The following FKBP5 variants were observed in gnomAD, a reference collection of about 807,000 sequenced individuals.
The protein encoded by FKBP5 is FKBP prolyl isomerase 5.
A neutral mutation model predicts 50.5 loss-of-function variants in FKBP5; 23 were observed. That is an observed-to-expected ratio of 0.46 (90% CI 0.33 to 0.65). The LOEUF (loss-of-function observed/expected upper bound fraction) is 0.65, where lower values mean the gene tolerates loss of function less well. Ranked by LOEUF, FKBP5 falls within the 30% of genes least tolerant of loss-of-function variation. FKBP5 has a pLI of 0.02. For missense variants in FKBP5, 411 were observed against 553.1 expected, an observed-to-expected ratio of 0.74 and a Z score of 2.58; for synonymous variants, 176 against 190.6, an observed-to-expected ratio of 0.92 and a Z score of 0.63.
At chr6:35,597,886 T>C (rs555724666) in intron 5 of FKBP5, among the ~76,000 whole-genome samples, 79 of 152,362 alleles carry the variant, frequency 5.2e-4, no homozygotes, top group African/African-American at 1.8e-3. Context: ...AGATGCTCCT[T>C]CTTCTTTAAG....
At chr6:35,622,957 A>G (rs933236407) in intron 3 of FKBP5, among the ~76,000 whole-genome samples, 7 of 152,214 alleles carry the variant, frequency 4.6e-5, no homozygotes, top group Middle Eastern at 3.2e-3. Flanking sequence ...GAATTATTAG[A>G]TAAGGCCGGG....
intron 1 of FKBP5, among the ~76,000 whole-genome samples, chr6:35,666,087 A>T (rs1765206179): frequency 6.6e-6 from 1 of 152,130 alleles, no homozygotes; most frequent in Non-Finnish European, 1.5e-5. Flanking sequence ...TAAGCCAAGG[A>T]ACATATATAT....
intron 1 of FKBP5, among the ~76,000 whole-genome samples, chr6:35,685,060 CAAAAAA>C (rs550437689): frequency 7.7e-6 from 1 of 130,508 alleles, no homozygotes; most frequent in African/African-American, 2.9e-5. Flanking sequence ...GACCCCGACT[CAAAAAA>C]AAAAAGACTA....
chr6:35,629,562 G>A (rs1210715716), intron 3 of FKBP5, among the ~76,000 whole-genome samples: 2 of 152,172 alleles, frequency 1.3e-5, no homozygotes, highest in African/African-American at 4.8e-5. Flanking sequence ...AGCATTATCT[G>A]TCCTGGGACA....
At chr6:35,657,857 T>G (rs1764996087) in intron 1 of FKBP5, among the ~76,000 whole-genome samples, 1 of 152,158 alleles carries the variant, frequency 6.6e-6, no homozygotes, top group African/African-American at 2.4e-5. Flanking sequence ...AAAATAAAAT[T>G]TAACATTTTA....
intron 1 of FKBP5, among the ~76,000 whole-genome samples, chr6:35,662,181 A>T (rs1396729740): frequency 1.3e-5 from 2 of 151,968 alleles, no homozygotes; most frequent in African/African-American, 4.8e-5. Flanking sequence ...TTACATGCAA[A>T]AGCCACTGTG....
At chr6:35,721,604 C>G (rs1003376893) in intron 1 of FKBP5, among the ~76,000 whole-genome samples, 1 of 152,100 alleles carries the variant, frequency 6.6e-6, no homozygotes, top group Non-Finnish European at 1.5e-5. Context: ...CACAGCCATG[C>G]GCTACCACGC....
chr6:35,683,459 A>G (rs1765737592), intron 1 of FKBP5, among the ~76,000 whole-genome samples: 1 of 150,086 alleles, frequency 6.7e-6, no homozygotes, highest in African/African-American at 2.4e-5. Flanking sequence ...CATGCCTGGT[A>G]TATATATATA....
chr6:35,694,973 A>G (rs1766059432), intron 2 of FKBP5, among the ~76,000 whole-genome samples: 1 of 152,236 alleles, frequency 6.6e-6, no homozygotes, highest in African/African-American at 2.4e-5. Flanking sequence ...CATATAATAA[A>G]TAAACAAATG....
At position 35,632,994 on chromosome 6, in the gene FKBP5, A is replaced by G. The variant is rs555836216; in HGVS notation, c.250+4020T>C. Reference sequence around the variant, plus strand: ...CAAAGCAAGTGTAGGTATAGCTTGAATTTGTGTATTTTATGATATGTTTAT... The same window carrying G: ...CAAAGCAAGTGTAGGTATAGCTTGAGTTTGTGTATTTTATGATATGTTTAT... On this transcript the variant is annotated intron_variant, in intron 3 of 10. Transcript: ENST00000357266. 2.0e-5 allele frequency among the ~76,000 whole-genome samples: 3 copies of G among 152,286 alleles called. No homozygotes were observed. The South Asian group carries it at 6.2e-4, about 32-fold the overall frequency.
chr6:35,582,835 C>T, intron 8 of FKBP5: 2 of 984,326 alleles, frequency 2.0e-6, no homozygotes, highest in East Asian at 1.1e-4. Context: ...ATTGTCCTCT[C>T]CCTTTTGGAA....
intron 1 of FKBP5, among the ~76,000 whole-genome samples, chr6:35,645,571 A>G (rs915010917): frequency 2.0e-5 from 3 of 152,226 alleles, no homozygotes; most frequent in African/African-American, 4.8e-5. Context: ...GACAAAATAT[A>G]AGAACTTGGA....
chr6:35,638,861 G>C (rs190425534), intron 2 of FKBP5, among the ~76,000 whole-genome samples: 40 of 152,314 alleles, frequency 2.6e-4, no homozygotes, highest in African/African-American at 9.4e-4. Flanking sequence ...GTATTTGGGA[G>C]GCTATGCTCA....
At chr6:35,579,619 A>T (rs1166409665) in intron 9 of FKBP5, among the ~76,000 whole-genome samples, 1 of 152,202 alleles carries the variant, frequency 6.6e-6, no homozygotes, top group Non-Finnish European at 1.5e-5. Flanking sequence ...AAATGATTAT[A>T]ATAAAAATTG....
At chr6:35,623,535 G>C (rs936362833) in intron 3 of FKBP5, among the ~76,000 whole-genome samples, 5 of 151,508 alleles carry the variant, frequency 3.3e-5, no homozygotes, top group African/African-American at 1.2e-4. Context: ...AAATTTGATA[G>C]TTATTGCCCA....
chr6:35,678,009 T>C (rs1266624794), intron 1 of FKBP5, among the ~76,000 whole-genome samples: 1 of 152,190 alleles, frequency 6.6e-6, no homozygotes, highest in Non-Finnish European at 1.5e-5. Context: ...AATTTTGATA[T>C]GTATGAAGTT....
chr6:35,700,073 G>A (rs563056816), intron 2 of FKBP5, among the ~76,000 whole-genome samples: 1 of 152,160 alleles, frequency 6.6e-6, no homozygotes, highest in South Asian at 2.1e-4. Flanking sequence ...CTACCCTGAA[G>A]AACAAGGACT....
chr6:35,682,036 G>A (rs1765678143), intron 1 of FKBP5, among the ~76,000 whole-genome samples: 1 of 152,086 alleles, frequency 6.6e-6, no homozygotes, highest in South Asian at 2.1e-4. Flanking sequence ...ACTCAAAAGA[G>A]AAACAAGTAT....
chr6:35,678,097 A>G (rs1249343367), intron 1 of FKBP5, among the ~76,000 whole-genome samples: 1 of 152,254 alleles, frequency 6.6e-6, no homozygotes, highest in Non-Finnish European at 1.5e-5. Flanking sequence ...CAAAAGGACA[A>G]AAAGATAAAG....
Sources: allele counts gnomAD v4.1 joint callset (sites outside exome capture counted in the v4.1 genomes callset), GRCh38; gene constraint gnomAD v4.1.1; transcripts MANE v1.5; gene names NCBI Gene and HGNC (gene_info 2026-07-23, HGNC 2026-07-21).